IGF1R: variants seen among roughly 807,000 people sequenced by gnomAD.
IGF1R encodes the protein insulin like growth factor 1 receptor, also known as insulin-like growth factor 1 receptor.
IGF1R carries 44 observed loss-of-function variants against 144.6 expected under a neutral mutation model. The observed-to-expected ratio is 0.30, with a 90% CI of 0.24 to 0.39. IGF1R has a LOEUF of 0.39. Among genes scored for constraint, IGF1R ranks in the 10% least tolerant of loss-of-function variants. The pLI is 1.00. For missense variants in IGF1R, 1,355 were observed against 1,833.7 expected, an observed-to-expected ratio of 0.74 and a Z score of 4.77; for synonymous variants, 795 against 722.8, an observed-to-expected ratio of 1.10 and a Z score of -1.60.
chr15:98,810,738 C>G (rs543028268), intron 2 of IGF1R, among the ~76,000 whole-genome samples: 2 of 151,394 alleles, frequency 1.3e-5, no homozygotes, highest in Non-Finnish European at 2.9e-5. Context: ...TTAGTAGAGA[C>G]GGGGTTTCAC....
At chr15:98,768,247 C>T (rs2055484969) in intron 2 of IGF1R, among the ~76,000 whole-genome samples, 1 of 152,072 alleles carries the variant, frequency 6.6e-6, no homozygotes, top group Admixed American at 6.5e-5. Context: ...ATATGTAGTC[C>T]TTCCAAGGAA....
At chr15:98,788,216 TG>T (rs1333562139) in intron 2 of IGF1R, among the ~76,000 whole-genome samples, 1 of 152,144 alleles carries the variant, frequency 6.6e-6, no homozygotes, top group Non-Finnish European at 1.5e-5. Context: ...AGCATCAAGT[TG>T]TATGCATCTT....
At chr15:98,789,367 C>A (rs1174007128) in intron 2 of IGF1R, among the ~76,000 whole-genome samples, 2 of 152,142 alleles carry the variant, frequency 1.3e-5, no homozygotes, top group African/African-American at 4.8e-5. Flanking sequence ...TAGAAAACCA[C>A]AACTTTAATT....
intron 2 of IGF1R, among the ~76,000 whole-genome samples, chr15:98,730,420 C>CTGA (rs1334785338): frequency 6.6e-6 from 1 of 152,154 alleles, no homozygotes; most frequent in Non-Finnish European, 1.5e-5. Context: ...ATGCCTTAAA[C>CTGA]TGATTTTGAG....
intron 1 of IGF1R, among the ~76,000 whole-genome samples, chr15:98,673,754 C>T (rs140971461): frequency 4.8e-4 from 73 of 152,248 alleles, no homozygotes; most frequent in Non-Finnish European, 8.2e-4. Flanking sequence ...TGGGCATCTG[C>T]TTTTTTAAGC....
chr15:98,763,249 A>T (rs2055352242), intron 2 of IGF1R, among the ~76,000 whole-genome samples: 4 of 152,198 alleles, frequency 2.6e-5, no homozygotes, highest in Admixed American at 2.0e-4. Context: ...TGCTCGTCTT[A>T]CATAACCTAG....
intron 2 of IGF1R, among the ~76,000 whole-genome samples, chr15:98,719,038 T>C (rs1275742784): frequency 6.6e-6 from 1 of 152,246 alleles, no homozygotes; most frequent in East Asian, 1.9e-4. Context: ...ATTAGGTGCT[T>C]AGACTATTCT....
At chr15:98,793,540 C>T (rs1962589) in intron 2 of IGF1R, among the ~76,000 whole-genome samples, 118,609 of 152,176 alleles carry the variant, frequency 0.78, 47,961 homozygotes, top group Non-Finnish European at 0.88. Flanking sequence ...GACGATATCC[C>T]AGTGCTTCTC....
intron 2 of IGF1R, among the ~76,000 whole-genome samples, chr15:98,852,342 A>C (rs1176165845): frequency 6.6e-6 from 1 of 151,844 alleles, no homozygotes; most frequent in African/African-American, 2.4e-5. Flanking sequence ...GGGAGCGGGC[A>C]CCCCGCGCCC....
Position 98,911,384 on chromosome 15 carries a change from G to A in IGF1R, c.1532G>A (p.Arg511Gln), listed in dbSNP as rs33958176. ...SKNRIIITWH[R>Q]YRPPDYRDLI... ...AATCGCATCATCATAACCTGGCACC[G>A]GTACCGGCCCCCTGACTACAGGGAT... The change falls in exon 7 of 21, where the codon CGG (arginine) becomes CAG (glutamine). Residue 511 changes from arginine (R) to glutamine (Q), a missense_variant. By Grantham distance (43) the Arg-to-Gln change is conservative (BLOSUM62 1). This residue lies in a region of IGF1R where 880 missense variants were observed against 1,202.7 expected (regional missense o/e 0.73). Coordinates refer to ENST00000650285, the MANE Select transcript of IGF1R (RefSeq NM_000875.5). The A allele has an allele frequency of 2.7e-3, 4,322 of 1,614,162 alleles. 10 individuals carry two copies. Among genetic ancestry groups the A allele is most frequent in the Non-Finnish European group, 3.4e-3 (3,970 of 1,180,030 alleles).
intron 2 of IGF1R, among the ~76,000 whole-genome samples, chr15:98,709,298 C>T (rs2053938188): frequency 6.6e-6 from 1 of 152,222 alleles, no homozygotes; most frequent in South Asian, 2.1e-4. Context: ...CCCGTTCAAC[C>T]AGTCCTGAGG....
At position 98,916,032 on chromosome 15, in the gene IGF1R, C is replaced by G; in HGVS notation, c.1897C>G (p.Pro633Ala). 6.2e-7 allele frequency: 1 copy of G among 1,614,150 alleles called. No individual in the cohort carries two copies. Among genetic ancestry groups the G allele is most frequent in the Non-Finnish European group, 8.5e-7 (1 of 1,179,998 alleles). The change falls in exon 9 of 21, where the codon CCT becomes GCT. Residue 633 changes from proline (P) to alanine (A), a missense_variant. By Grantham distance (27) the Pro-to-Ala change is conservative. Coordinates refer to ENST00000650285, the MANE Select transcript of IGF1R (RefSeq NM_000875.5). ...SSSQLIVKWN[P>A]PSLPNGNLSY... is the part of the protein sequence containing the mutation. ...TTCTCAGTTAATCGTGAAGTGGAAC[C>G]CTCCCTCTCTGCCCAACGGCAACCT...
rs571741784 is a variant in IGF1R, at chr15:98,961,472, A to G, written c.*4030A>G. 1 of 233,460 alleles carries G rather than the reference A, an allele frequency of 4.3e-6. No homozygotes were observed. Among genetic ancestry groups the G allele is most frequent in the South Asian group, 1.8e-4 (1 of 5,526 alleles). The allele number at this position is 233,460 out of a possible 1,614,324, so 14.5% of individuals were successfully genotyped here. A position where few individuals can be genotyped will look rare whatever the true frequency, so the allele number is the denominator to read the frequency against. ...CTGGACCAACCCACCCACCTTGACT[A>G]TACCAAGGCATCATCTATCCACAGT... On this transcript the variant is annotated 3_prime_UTR_variant, in exon 21 of 21. Transcript: ENST00000650285.
Position 98,963,261 on chromosome 15 carries a change from A to G in IGF1R, c.*5819A>G, listed in dbSNP as rs1207678181. On this transcript the variant is annotated 3_prime_UTR_variant, in exon 21 of 21. Transcript: ENST00000650285. ...CACCTGTTTACTAGCTAGCTTTACA[A>G]TATGCCAAAAAAGGATTTCTCCCTG... 1.7e-5 allele frequency: 4 copies of G among 229,280 alleles called. No homozygotes were observed. In the East Asian group the frequency reaches 2.4e-4, roughly 14 times the overall value. 14.2% of individuals were successfully genotyped at this position (229,280 alleles called of 1,614,324 possible).
chr15:98,849,460 G>A (rs903984674), intron 2 of IGF1R, among the ~76,000 whole-genome samples: 1 of 152,134 alleles, frequency 6.6e-6, no homozygotes, highest in Non-Finnish European at 1.5e-5. Flanking sequence ...TGAAAGTCCT[G>A]GAAGAACACA....
At position 98,964,150 on chromosome 15, in the gene IGF1R, A is replaced by G. The variant is rs771228238; in HGVS notation, c.*6708A>G. ...CTGGGATAAAAAAAATCAAACCAGA[A>G]GGCGGGATGGAATGGATGCACCGCA... On this transcript the variant is annotated 3_prime_UTR_variant, in exon 21 of 21. Coordinates refer to ENST00000650285, the MANE Select transcript of IGF1R (RefSeq NM_000875.5). The G allele has an allele frequency of 9.0e-5, 21 of 232,884 alleles. No individual in the cohort carries two copies. The highest frequency in any genetic ancestry group is 1.5e-4 in the Non-Finnish European group (18 of 117,674). 14.4% of individuals were successfully genotyped at this position (232,884 alleles called of 1,614,324 possible).
intron 1 of IGF1R, among the ~76,000 whole-genome samples, chr15:98,671,603 T>G (rs2141197043): frequency 6.6e-6 from 1 of 152,322 alleles, no homozygotes; most frequent in Non-Finnish European, 1.5e-5. Context: ...CAGAAAATAA[T>G]GCAAAATGCC....
Position 98,891,382 on chromosome 15 carries a change from C to T in IGF1R, c.698C>T (p.Pro233Leu), listed in dbSNP as rs1481088368. 2.5e-6 allele frequency: 4 copies of T among 1,611,944 alleles called. No homozygotes were observed. Among genetic ancestry groups the T allele is most frequent in the African/African-American group, 1.3e-5 (1 of 74,886 alleles). The stretch of plus-strand genomic sequence containing the variant: ...ACCGAGAACAATGAGTGCTGCCACC[C>T]CGAGTGCCTGGGCAGCTGCAGCGCG... ...ACTENNECCHPECLGSCSAPD... is the reference protein window; with the variant it reads ...ACTENNECCHLECLGSCSAPD... Residue 233 changes from proline (P) to leucine (L), a missense_variant, in exon 3 of 21, where the codon CCC becomes CTC. By Grantham distance (98) the Pro-to-Leu change is moderately conservative (BLOSUM62 -3). Coordinates refer to ENST00000650285, the MANE Select transcript of IGF1R (RefSeq NM_000875.5). This position sits in a 1 kb window ranked among gnomAD's most constrained non-coding sequence, Gnocchi z 4.7.
rs532852180 is a variant in IGF1R, at chr15:98,773,336, C to G, written c.640+65229C>G. Among the ~76,000 whole-genome samples the G allele has an allele frequency of 1.4e-4, 22 of 152,220 alleles. No homozygotes were observed. In the South Asian group the frequency reaches 4.6e-3, roughly 32 times the overall value. ...CTCAATGTTCAGCTTTACAAAAACT[C>G]CCGTAATTAATGAAGGTCAAGGCAT... is the stretch of plus-strand genomic sequence containing the variant. On this transcript the variant is annotated intron_variant, in intron 2 of 20. Transcript: ENST00000650285.
Sources: gnomAD v4.1 joint callset for allele counts (sites outside exome capture counted in the v4.1 genomes callset) on GRCh38, gnomAD v4.1.1 for gene constraint, gnomAD v4.1.1 regional missense constraint, Gnocchi (gnomAD v3.1) non-coding constraint, MANE v1.5 for transcripts, NCBI Gene and HGNC (gene_info 2026-07-23, HGNC 2026-07-21) for gene names.